Variants in NAA15 observed in about 807,000 individuals in gnomAD.
The protein encoded by NAA15 is N-terminal acetyltransferase.
Under a neutral mutation model 114.0 loss-of-function variants are expected in NAA15, and 34 were observed. The observed-to-expected ratio is 0.30, with a 90% CI of 0.23 to 0.40. NAA15 has a LOEUF of 0.40. Ranked by LOEUF, NAA15 falls within the 10% of genes least tolerant of loss-of-function variation. NAA15 has a pLI of 1.00. For missense variants in NAA15, 658 were observed against 1,004.5 expected, an observed-to-expected ratio of 0.66 and a Z score of 4.66; for synonymous variants, 340 against 338.0, an observed-to-expected ratio of 1.01 and a Z score of -0.06.
intron 9 of NAA15, 132 bp from the exon 10 acceptor site, chr4:139,353,894 A>G (rs1183172301): frequency 7.8e-6 from 5 of 642,246 alleles, no homozygotes; most frequent in African/African-American, 1.9e-5. Context: ...AGAGGTTAAG[A>G]TATTTTTAAT....
At chr4:139,372,736 C>T (rs35911076) in intron 15 of NAA15, among the ~76,000 whole-genome samples, 4 of 149,882 alleles carry the variant, frequency 2.7e-5, no homozygotes, top group Admixed American at 6.7e-5. Flanking sequence ...TTCAACCCCC[C>T]CTTTTTTTGG....
chr4:139,368,268 C>T (rs1262716839), intron 14 of NAA15, among the ~76,000 whole-genome samples: 1 of 152,196 alleles, frequency 6.6e-6, no homozygotes, highest in Non-Finnish European at 1.5e-5. Flanking sequence ...GACTCTGGGT[C>T]TCTCAGGCAG....
In NAA15 at chr4:139,316,244, G is replaced by T. The variant is rs928593158; in HGVS notation, c.54+14413G>T. The stretch of plus-strand genomic sequence containing the variant: ...GTTTCCTATATCCTTGATATTTGAA[G>T]GACAGCTTGGCTGGATATAAAATAT... On this transcript the variant is annotated intron_variant, in intron 1 of 19. Coordinates refer to ENST00000296543, the MANE Select transcript of NAA15 (RefSeq NM_057175.5). Among the ~76,000 whole-genome samples, 26 of 151,732 alleles carry T rather than the reference G, an allele frequency of 1.7e-4. 1 individual carries two copies. Among genetic ancestry groups the T allele is most frequent in the African/African-American group, 5.8e-4 (24 of 41,242 alleles).
At chr4:139,349,399 T>TA in intron 6 of NAA15, 63 bp from the exon 7 acceptor site, 1 of 1,409,472 alleles carries the variant, frequency 7.1e-7, no homozygotes, top group Non-Finnish European at 9.5e-7. Context: ...GAGGAAAAGT[T>TA]AAAATTCTAA....
intron 15 of NAA15, among the ~76,000 whole-genome samples, chr4:139,371,035 T>C (rs924496985): frequency 2.0e-5 from 3 of 152,230 alleles, no homozygotes; most frequent in Non-Finnish European, 2.9e-5. Context: ...TTTTGATTAA[T>C]AACATTCCTT....
chr4:139,349,347 C>T, intron 6 of NAA15, 115 bp from the exon 7 acceptor site: 1 of 901,102 alleles, frequency 1.1e-6, no homozygotes, highest in Middle Eastern at 3.2e-4. Context: ...GGTCCATCCA[C>T]TTAGCAGCAC....
intron 14 of NAA15, among the ~76,000 whole-genome samples, chr4:139,369,024 T>C (rs995531539): frequency 1.3e-5 from 2 of 152,248 alleles, no homozygotes; most frequent in Non-Finnish European, 2.9e-5. Flanking sequence ...TATAGAGTTA[T>C]TCATTTATTG....
chr4:139,387,791 T>G, intron 19 of NAA15, 93 bp from the exon 20 acceptor site: 1 of 967,924 alleles, frequency 1.0e-6, no homozygotes, highest in Non-Finnish European at 1.6e-6. Flanking sequence ...TTATTTCTTA[T>G]TTTAGAAATC....
At chr4:139,319,932 A>G (rs183372614) in intron 1 of NAA15, among the ~76,000 whole-genome samples, 1 of 152,274 alleles carries the variant, frequency 6.6e-6, no homozygotes. Flanking sequence ...ATTTTATTGC[A>G]CACTGCTACT....
At chr4:139,378,248 G>T (rs765743530) in intron 16 of NAA15, among the ~76,000 whole-genome samples, 1 of 152,182 alleles carries the variant, frequency 6.6e-6, no homozygotes, top group Non-Finnish European at 1.5e-5. Flanking sequence ...GGGAATGGGT[G>T]TGGGGATAGC....
chr4:139,374,803 T>C (rs1166730253), intron 15 of NAA15, among the ~76,000 whole-genome samples: 1 of 152,220 alleles, frequency 6.6e-6, no homozygotes, highest in Non-Finnish European at 1.5e-5. Context: ...CCTATCAGAA[T>C]ATCAAACCCA....
At chr4:139,329,036 ATT>A (rs1294481724) in intron 1 of NAA15, among the ~76,000 whole-genome samples, 21 of 128,888 alleles carry the variant, frequency 1.6e-4, no homozygotes, top group Admixed American at 1.5e-4. Context: ...TGCCTGGCTA[ATT>A]TTTTTTTTTT....
At chr4:139,310,768 C>T (rs1347875640) in intron 1 of NAA15, among the ~76,000 whole-genome samples, 1 of 151,564 alleles carries the variant, frequency 6.6e-6, no homozygotes, top group Non-Finnish European at 1.5e-5. Flanking sequence ...CCAGGTGCCT[C>T]CTACCACACC....
chr4:139,317,302 T>C (rs1310656516), intron 1 of NAA15, among the ~76,000 whole-genome samples: 1 of 151,888 alleles, frequency 6.6e-6, no homozygotes, highest in Non-Finnish European at 1.5e-5. Context: ...GTATGGTTTT[T>C]ATGAGGATTT....
At position 139,354,091 on chromosome 4, in the gene NAA15, C is replaced by A; in HGVS notation, c.1080C>A (p.Asn360Lys). The A allele has an allele frequency of 1.2e-6, 2 of 1,612,398 alleles. No individual in the cohort carries two copies. Among genetic ancestry groups the A allele is most frequent in the South Asian group, 2.2e-5 (2 of 90,954 alleles). ...CTCTAAAAAGCTGCCGGTTATTTAA[C>A]CCCAATGGTAAGTCCTCAAGTTTTA... ...ETSLKSCRLF[N>K]PNDDGKEEPP... Residue 360 changes from asparagine (N) to lysine (K), a missense_variant, in exon 10 of 20, where the codon AAC becomes AAA. Physicochemically the swap from Asn to Lys is moderately conservative, Grantham distance 94 (BLOSUM62 0). Coordinates refer to ENST00000296543, the MANE Select transcript of NAA15 (RefSeq NM_057175.5).
chr4:139,314,993 C>CAGTTT (rs1177329024), intron 1 of NAA15, among the ~76,000 whole-genome samples: 1 of 17,422 alleles, frequency 5.7e-5, no homozygotes, highest in African/African-American at 4.0e-4. Flanking sequence ...GCGTTCAGTT[C>CAGTTT]AGTTCAGTTT....
At chr4:139,303,462 A>G (rs1206959786) in intron 1 of NAA15, among the ~76,000 whole-genome samples, 1 of 152,140 alleles carries the variant, frequency 6.6e-6, no homozygotes, top group Admixed American at 6.5e-5. Flanking sequence ...CCCTATGTAT[A>G]TGTATATATA....
intron 1 of NAA15, among the ~76,000 whole-genome samples, chr4:139,325,109 AGG>A (rs869137465): frequency 7.2e-6 from 1 of 138,746 alleles, no homozygotes; most frequent in African/African-American, 2.8e-5. Context: ...ATCTCATTCA[AGG>A]GGCGGGGGGT....
chr4:139,381,332 A>G (rs899295143), intron 17 of NAA15, among the ~76,000 whole-genome samples: 4 of 152,082 alleles, frequency 2.6e-5, no homozygotes, highest in Non-Finnish European at 2.9e-5. Flanking sequence ...TATATATTCT[A>G]TTTGTCTTAT....
Sources: allele counts gnomAD v4.1 joint callset (sites outside exome capture counted in the v4.1 genomes callset), GRCh38; gene constraint gnomAD v4.1.1; transcripts MANE v1.5; gene names NCBI Gene and HGNC (gene_info 2026-07-23, HGNC 2026-07-21).